SNX25: variants seen among roughly 807,000 people sequenced by gnomAD.
SNX25 encodes sorting nexin-25.
In SNX25, 62 loss-of-function variants were observed where a neutral mutation model predicts 113.7. The observed-to-expected ratio is 0.55, with a 90% CI of 0.44 to 0.67. The LOEUF is 0.67. SNX25 is among the 30% of genes least tolerant of loss of function. SNX25 has a pLI of 0.00. For synonymous variants in SNX25, 421 were observed against 436.2 expected, an observed-to-expected ratio of 0.97 and a Z score of 0.43; for missense variants, 1,014 against 1,161.0, an observed-to-expected ratio of 0.87 and a Z score of 1.84.
At chr4:185,331,203 G>A (rs1230805449) in intron 9 of SNX25, among the ~76,000 whole-genome samples, 3 of 152,092 alleles carry the variant, frequency 2.0e-5, no homozygotes, top group African/African-American at 2.4e-5. Context: ...GTAGAAAAAC[G>A]TTTATGCATG....
intron 1 of SNX25, among the ~76,000 whole-genome samples, chr4:185,231,251 A>G (rs1741807195): frequency 6.6e-6 from 1 of 151,066 alleles, no homozygotes; most frequent in Non-Finnish European, 1.5e-5. Context: ...GGCTCCCGCC[A>G]CCACGCCCGG....
intron 3 of SNX25, among the ~76,000 whole-genome samples, chr4:185,261,788 C>G (rs3112857): frequency 0.7 from 106,311 of 151,966 alleles, 37,391 homozygotes; most frequent in African/African-American, 0.76. Context: ...ATGCCTAGAA[C>G]CTGTAGTTGA....
chr4:185,249,364 T>C (rs975558739), intron 2 of SNX25, among the ~76,000 whole-genome samples: 1 of 152,218 alleles, frequency 6.6e-6, no homozygotes, highest in African/African-American at 2.4e-5. Flanking sequence ...TGGCCTTAAA[T>C]TGCATACCCC....
intron 1 of SNX25, among the ~76,000 whole-genome samples, chr4:185,235,056 G>T (rs1254562443): frequency 1.3e-5 from 2 of 152,202 alleles, no homozygotes; most frequent in East Asian, 1.9e-4. Context: ...TCAGAGAAAA[G>T]ATCTAATGGT....
chr4:185,214,394 CAAAA>C (rs60179052), intron 1 of SNX25, among the ~76,000 whole-genome samples: 9 of 122,308 alleles, frequency 7.4e-5, no homozygotes, highest in Non-Finnish European at 6.7e-5. Context: ...CCATCTCTAC[CAAAA>C]AAAAAAAAAA....
intron 5 of SNX25, among the ~76,000 whole-genome samples, chr4:185,267,752 C>T (rs139660370): frequency 2.6e-4 from 39 of 151,622 alleles, no homozygotes; most frequent in East Asian, 2.5e-3. Context: ...AAAATTGACT[C>T]TCCAAATACT....
chr4:185,288,550 G>A (rs1751673850), intron 6 of SNX25, among the ~76,000 whole-genome samples: 1 of 119,136 alleles, frequency 8.4e-6, no homozygotes, highest in Admixed American at 1.1e-4. Flanking sequence ...CTTTATTTAA[G>A]CATTGGATTG....
At chr4:185,259,866 G>A (rs142281934) in intron 3 of SNX25, among the ~76,000 whole-genome samples, 12 of 152,234 alleles carry the variant, frequency 7.9e-5, no homozygotes, top group African/African-American at 2.4e-4. Flanking sequence ...GATGCTGTTC[G>A]TGTAGGGGAC....
At chr4:185,372,638 A>C (rs557349182), downstream of SNX25, among the ~76,000 whole-genome samples, 2 of 152,344 alleles carry the variant, frequency 1.3e-5, no homozygotes, top group African/African-American at 4.8e-5. Flanking sequence ...CGACGAGGCC[A>C]TGAGAGCACC....
chr4:185,258,469 A>G (rs983774499), intron 2 of SNX25, among the ~76,000 whole-genome samples: 1 of 152,228 alleles, frequency 6.6e-6, no homozygotes, highest in African/African-American at 2.4e-5. Context: ...CAGCTCCAGT[A>G]TCATAAAGCA....
intron 15 of SNX25, among the ~76,000 whole-genome samples, chr4:185,354,753 G>A (rs75287903): frequency 0.013 from 1,935 of 152,260 alleles, 94 homozygotes; most frequent in East Asian, 0.087. Context: ...GCTACTCTCC[G>A]TCCACACATT....
chr4:185,252,953 A>C (rs1408879269), intron 2 of SNX25, among the ~76,000 whole-genome samples: 1 of 152,180 alleles, frequency 6.6e-6, no homozygotes, highest in African/African-American at 2.4e-5. Context: ...AGGGGTTCAG[A>C]TCTAATATGA....
intron 1 of SNX25, among the ~76,000 whole-genome samples, chr4:185,220,301 C>CT (rs1739581684): frequency 2.0e-5 from 3 of 151,572 alleles, no homozygotes; most frequent in Non-Finnish European, 4.4e-5. Flanking sequence ...TAGTATTATA[C>CT]TTTAAGTTTT....
Position 185,212,491 on chromosome 4 carries a change from G to GTTTCTGTTTT in SNX25, c.429+2239_429+2240insCTGTTTTTTT, listed in dbSNP as rs1553980597. Among the ~76,000 whole-genome samples the GTTTCTGTTTT allele has an allele frequency of 1.1e-3, 111 of 104,934 alleles. 7 individuals are homozygous for GTTTCTGTTTT. The highest frequency in any genetic ancestry group is 4.0e-3 in the African/African-American group (107 of 27,024). 68.8% of individuals were successfully genotyped at this position (104,934 alleles called of 152,430 possible). ...TGTGTGTGTGTGTGTGTGTGTGTGT[G>GTTTCTGTTTT]TTTTTTTTTTTTTTTGCTTTGAGAC... On this transcript the variant is annotated intron_variant, in intron 1 of 18. Transcript: ENST00000652585.
intron 1 of SNX25, among the ~76,000 whole-genome samples, chr4:185,244,491 T>G (rs1391871714): frequency 6.6e-6 from 1 of 152,240 alleles, no homozygotes; most frequent in Non-Finnish European, 1.5e-5. Flanking sequence ...TTAAAAGCAG[T>G]AGAATTTGAA....
chr4:185,211,448 C>T (rs1006684705), intron 1 of SNX25, among the ~76,000 whole-genome samples: 2 of 152,030 alleles, frequency 1.3e-5, no homozygotes, highest in African/African-American at 4.8e-5. Flanking sequence ...GCAGGAGTTG[C>T]GGAGCAGATA....
chr4:185,237,897 T>C (rs888545995), intron 1 of SNX25, among the ~76,000 whole-genome samples: 1 of 151,556 alleles, frequency 6.6e-6, no homozygotes, highest in Admixed American at 6.6e-5. Context: ...ACCCCGTCTC[T>C]ACTATAAATA....
intron 6 of SNX25, among the ~76,000 whole-genome samples, chr4:185,305,949 C>T (rs1386502855): frequency 6.6e-6 from 1 of 152,186 alleles, no homozygotes; most frequent in Non-Finnish European, 1.5e-5. Flanking sequence ...AGACACACTG[C>T]CATCCGGTGT....
chr4:185,244,519 A>AT (rs906114067), intron 1 of SNX25, among the ~76,000 whole-genome samples: 22 of 151,584 alleles, frequency 1.5e-4, no homozygotes, highest in African/African-American at 4.4e-4. Context: ...CATTTCCTCA[A>AT]TTTTTTTTTC....
Sources: allele counts gnomAD v4.1 joint callset (sites outside exome capture counted in the v4.1 genomes callset), GRCh38; gene constraint gnomAD v4.1.1; transcripts MANE v1.5; gene names NCBI Gene and HGNC (gene_info 2026-07-23, HGNC 2026-07-21).